Variants in SCUBE1 observed in about 807,000 individuals in gnomAD.
The protein encoded by SCUBE1 is signal peptide, CUB and EGF-like domain-containing protein 1.
A neutral mutation model predicts 124.4 loss-of-function variants in SCUBE1; 59 were observed. The observed-to-expected ratio is 0.47, with a 90% CI of 0.38 to 0.59. The LOEUF is 0.59. SCUBE1 is among the 20% of genes least tolerant of loss of function. The probability of loss-of-function intolerance (pLI) is 0.00; values close to 1 mark genes in which losing one functional copy is unlikely to be tolerated. For synonymous variants in SCUBE1, 545 were observed against 550.9 expected, an observed-to-expected ratio of 0.99 and a Z score of 0.15; for missense variants, 1,150 against 1,371.2, an observed-to-expected ratio of 0.84 and a Z score of 2.55.
intron 4 of SCUBE1, among the ~76,000 whole-genome samples, chr22:43,265,691 G>A (rs1924035791): frequency 6.6e-6 from 1 of 152,202 alleles, no homozygotes; most frequent in East Asian, 1.9e-4. Flanking sequence ...AATTATAAAG[G>A]AGCCCAAATC....
chr22:43,250,015 C>G (rs1247416095), intron 6 of SCUBE1, among the ~76,000 whole-genome samples: 1 of 152,270 alleles, frequency 6.6e-6, no homozygotes, highest in African/African-American at 2.4e-5. Flanking sequence ...TCCTACGTGC[C>G]TGGCACCGCG....
At chr22:43,332,149 A>G (rs998898094) in intron 2 of SCUBE1, among the ~76,000 whole-genome samples, 5 of 152,040 alleles carry the variant, frequency 3.3e-5, no homozygotes, top group African/African-American at 1.2e-4. Context: ...CTAGCTGGGC[A>G]TGGTGGTGCG....
chr22:43,288,661 T>C (rs1419181817), intron 4 of SCUBE1, among the ~76,000 whole-genome samples: 1 of 152,232 alleles, frequency 6.6e-6, no homozygotes, highest in Non-Finnish European at 1.5e-5. Context: ...GCACCACCCG[T>C]TTCTTTCCTC....
rs929234786 is a variant in SCUBE1, at chr22:43,234,031, G to C, written c.845-2156C>G. ...AGCCGGCTCTCAGCCAGCACCATCC[G>C]AACCCAAAGACGGGCCTGCTGCAGC... On this transcript the variant is annotated intron_variant, in intron 7 of 21. Transcript: ENST00000360835. The surrounding 1 kb of genome is among the most constrained non-coding windows in gnomAD (Gnocchi z 4.4). Among the ~76,000 whole-genome samples, 1 of 151,910 alleles carries C rather than the reference G, an allele frequency of 6.6e-6. No individual in the cohort carries two copies. Among genetic ancestry groups the C allele is most frequent in the African/African-American group, 2.4e-5 (1 of 41,336 alleles).
chr22:43,274,544 G>A (rs1052360845), intron 4 of SCUBE1, among the ~76,000 whole-genome samples: 5 of 152,174 alleles, frequency 3.3e-5, no homozygotes, highest in Non-Finnish European at 5.9e-5. Flanking sequence ...GAAAAGGTCT[G>A]TTTTTCCTTT....
chr22:43,324,406 A>G (rs1243803225), intron 2 of SCUBE1, among the ~76,000 whole-genome samples: 1 of 152,156 alleles, frequency 6.6e-6, no homozygotes, highest in Non-Finnish European at 1.5e-5. Flanking sequence ...CAGGCTGAGC[A>G]TCTCTCAGAA....
chr22:43,260,698 C>T (rs549505768), intron 5 of SCUBE1, among the ~76,000 whole-genome samples: 1 of 152,234 alleles, frequency 6.6e-6, no homozygotes, highest in African/African-American at 2.4e-5. Context: ...GAAATCACAT[C>T]GGGCTCTCCA....
At chr22:43,213,090 A>G (rs1278559052) in intron 16 of SCUBE1, 2 of 165,192 alleles carry the variant, frequency 1.2e-5, no homozygotes, top group Admixed American at 6.2e-5. Context: ...CCCTGGGACA[A>G]AGGGAGGGGA....
intron 4 of SCUBE1, among the ~76,000 whole-genome samples, chr22:43,266,013 A>G (rs1313811793): frequency 1.3e-5 from 2 of 152,160 alleles, no homozygotes; most frequent in Non-Finnish European, 2.9e-5. Flanking sequence ...AGGCAGAAGA[A>G]TTGCTTGAAC....
At chr22:43,250,793 G>T (rs1243754536) in intron 6 of SCUBE1, among the ~76,000 whole-genome samples, 1 of 152,228 alleles carries the variant, frequency 6.6e-6, no homozygotes, top group Non-Finnish European at 1.5e-5. Context: ...TCTCATGGGG[G>T]TGGTGGGACC....
In SCUBE1 at chr22:43,258,171, C is replaced by CG. The variant is rs966357321; in HGVS notation, c.727+47dup. Reference sequence around the variant, plus strand: ...CCCTGCTGGTGCACGCATGGGGGGTCGGGGGCGGGGGGCGCAAGGGTGGTG... The same window carrying CG: ...CCCTGCTGGTGCACGCATGGGGGGTCGGGGGGCGGGGGGCGCAAGGGTGGTG... On this transcript the variant is annotated intron_variant, in intron 6 of 21. Coordinates refer to ENST00000360835, the MANE Select transcript of SCUBE1 (RefSeq NM_173050.5). This position sits in a 1 kb window ranked among gnomAD's most constrained non-coding sequence, Gnocchi z 5.0. 1 of 1,297,344 alleles carries CG rather than the reference C, an allele frequency of 7.7e-7. No homozygotes were observed. The highest frequency in any genetic ancestry group is 1.1e-6 in the Non-Finnish European group (1 of 909,684). 80.4% of individuals were successfully genotyped at this position (1,297,344 alleles called of 1,614,324 possible).
chr22:43,237,071 C>CCCGA (rs1922796836), intron 7 of SCUBE1, among the ~76,000 whole-genome samples: 1 of 151,244 alleles, frequency 6.6e-6, no homozygotes, highest in South Asian at 2.1e-4. Flanking sequence ...GTGAAAGGGC[C>CCCGA]CCGACCGCTT....
At chr22:43,327,485 A>C (rs2146792389) in intron 2 of SCUBE1, among the ~76,000 whole-genome samples, 1 of 152,306 alleles carries the variant, frequency 6.6e-6, no homozygotes, top group Non-Finnish European at 1.5e-5. Flanking sequence ...TTTTGGAGTA[A>C]TGAAAAGATT....
At chr22:43,220,317 C>T in intron 14 of SCUBE1, 133 bp downstream of exon 14, 2 of 1,035,334 alleles carry the variant, frequency 1.9e-6, no homozygotes, top group Admixed American at 2.4e-5. Flanking sequence ...TCTCCAGAAG[C>T]TGGGCTCCCA....
chr22:43,316,504 G>A (rs976972391), intron 3 of SCUBE1, among the ~76,000 whole-genome samples: 2 of 152,204 alleles, frequency 1.3e-5, no homozygotes, highest in African/African-American at 4.8e-5. Context: ...ATAACTCTTG[G>A]AAGATACTTC....
intron 2 of SCUBE1, among the ~76,000 whole-genome samples, chr22:43,325,374 C>T (rs1049630278): frequency 3.6e-5 from 5 of 137,988 alleles, no homozygotes; most frequent in Admixed American, 8.1e-5. Context: ...ACTCCGGAGG[C>T]GGAGGTTGCG....
chr22:43,260,232 G>A (rs1923821863), intron 5 of SCUBE1, among the ~76,000 whole-genome samples: 2 of 152,216 alleles, frequency 1.3e-5, no homozygotes, highest in South Asian at 2.1e-4. Flanking sequence ...GAGGCAACTC[G>A]AAGGGGATCC....
At chr22:43,339,277 C>T (rs1392034343) in intron 1 of SCUBE1, 42 bp from the exon 2 acceptor site, 3 of 1,599,656 alleles carry the variant, frequency 1.9e-6, no homozygotes, top group Non-Finnish European at 2.6e-6. Flanking sequence ...TAAGGTGTGG[C>T]CCCAGGGCAG....
At position 43,210,877 on chromosome 22, in the gene SCUBE1, C is replaced by T; in HGVS notation, c.2383+45G>A. ...CTCCCGCCCCCACAACCTGCCCAGC[C>T]CCTCCCGTGTTCCCAGCTTCCCACG... On this transcript the variant is annotated intron_variant, in intron 18 of 21. Transcript: ENST00000360835. This position sits in a 1 kb window ranked among gnomAD's most constrained non-coding sequence, Gnocchi z 4.5. 6.2e-7 allele frequency: 1 copy of T among 1,610,432 alleles called. No individual in the cohort carries two copies. The highest frequency in any genetic ancestry group is 8.5e-7 in the Non-Finnish European group (1 of 1,177,488).
Sources: gnomAD v4.1 joint callset for allele counts (sites outside exome capture counted in the v4.1 genomes callset) on GRCh38, gnomAD v4.1.1 for gene constraint, Gnocchi (gnomAD v3.1) non-coding constraint, MANE v1.5 for transcripts, NCBI Gene and HGNC (gene_info 2026-07-23, HGNC 2026-07-21) for gene names.